The following FAM184B variants were observed in gnomAD, a reference collection of about 807,000 sequenced individuals.
FAM184B encodes protein FAM184B.
FAM184B carries 111 observed loss-of-function variants against 135.9 expected under a neutral mutation model. That is an observed-to-expected ratio of 0.82 (90% CI 0.70 to 0.96). The LOEUF (loss-of-function observed/expected upper bound fraction) is 0.96, where lower values mean the gene tolerates loss of function less well. Among genes scored for constraint, FAM184B ranks in the 40% least tolerant of loss-of-function variants. The pLI is 0.00. For synonymous variants in FAM184B, 552 were observed against 524.8 expected (o/e 1.05, Z -0.71); for missense variants, 1,375 against 1,323.9 (o/e 1.04, Z -0.60).
intron 1 of FAM184B, among the ~76,000 whole-genome samples, chr4:17,729,618 G>A (rs950477059): frequency 5.3e-5 from 8 of 152,234 alleles, no homozygotes; most frequent in African/African-American, 9.6e-5. Context: ...AGCCACCGCT[G>A]TTCTGCAGCC....
At chr4:17,712,207 A>G (rs769284044) in intron 1 of FAM184B, among the ~76,000 whole-genome samples, 2 of 152,208 alleles carry the variant, frequency 1.3e-5, no homozygotes, top group Admixed American at 6.5e-5. Flanking sequence ...AGATGGAAAG[A>G]TGGAGCAGAA....
intron 2 of FAM184B, among the ~76,000 whole-genome samples, 183 bp downstream of exon 2, chr4:17,708,709 A>ATATATATATAGAGTGT: frequency 2.6e-5 from 1 of 38,840 alleles, no homozygotes; most frequent in Non-Finnish European, 4.7e-5. Context: ...ATATATATAT[A>ATATATATATAGAGTGT]GTGTCTGTGT....
At chr4:17,637,855 G>C (rs535627099) in intron 14 of FAM184B, among the ~76,000 whole-genome samples, 1 of 152,228 alleles carries the variant, frequency 6.6e-6, no homozygotes, top group East Asian at 1.9e-4. Flanking sequence ...AAGTGACCCT[G>C]TGAAAAGGCA....
At position 17,781,370 on chromosome 4, in the gene FAM184B, G is replaced by A; in HGVS notation, c.-71C>T. ...CCACCGTGTGCACGTGCGTGCGCGC[G>A]CGGGCGTGCGAGCGTGTGGGTTTCT... On this transcript the variant is annotated 5_prime_UTR_variant, in exon 1 of 18. Coordinates refer to ENST00000265018, the MANE Select transcript of FAM184B (RefSeq NM_015688.2). This position sits in a 1 kb window ranked among gnomAD's most constrained non-coding sequence, Gnocchi z 6.5. 2.1e-6 allele frequency: 3 copies of A among 1,403,946 alleles called. No individual in the cohort carries two copies. The highest frequency in any genetic ancestry group is 2.8e-6 in the Non-Finnish European group (3 of 1,072,920). The allele number at this position is 1,403,946 out of a possible 1,614,324, so 87.0% of individuals were successfully genotyped here.
At chr4:17,720,507 G>A (rs1423002281) in intron 1 of FAM184B, among the ~76,000 whole-genome samples, 1 of 152,170 alleles carries the variant, frequency 6.6e-6, no homozygotes, top group Admixed American at 6.5e-5. Context: ...TGGTGAGGAT[G>A]TGGAAAAATT....
chr4:17,718,457 G>A (rs1192863014), intron 1 of FAM184B, among the ~76,000 whole-genome samples: 1 of 152,164 alleles, frequency 6.6e-6, no homozygotes, highest in African/African-American at 2.4e-5. Context: ...ATTCTGTTGA[G>A]GGGCTTATAG....
At chr4:17,640,978 G>A (rs1715292625) in intron 13 of FAM184B, among the ~76,000 whole-genome samples, 2 of 151,894 alleles carry the variant, frequency 1.3e-5, no homozygotes, top group Admixed American at 6.6e-5. Context: ...CTGCCGCCCA[G>A]GCTGAAGTGC....
At chr4:17,654,052 T>C (rs1240164246) in intron 10 of FAM184B, among the ~76,000 whole-genome samples, 1 of 152,052 alleles carries the variant, frequency 6.6e-6, no homozygotes, top group East Asian at 1.9e-4. Flanking sequence ...CTGGAGTCTT[T>C]AGAAGGAACC....
chr4:17,751,335 C>T (rs1216428180), intron 1 of FAM184B, among the ~76,000 whole-genome samples: 1 of 145,068 alleles, frequency 6.9e-6, no homozygotes, highest in Admixed American at 6.9e-5. Flanking sequence ...AAAAGCAGCA[C>T]ATAGGAAAAA....
chr4:17,772,461 C>A (rs1246449665), intron 1 of FAM184B, among the ~76,000 whole-genome samples: 2 of 152,192 alleles, frequency 1.3e-5, no homozygotes, highest in Non-Finnish European at 2.9e-5. Flanking sequence ...ACCTCTTGAA[C>A]TTCCCATGGA....
At chr4:17,764,318 C>A (rs1273074357) in intron 1 of FAM184B, among the ~76,000 whole-genome samples, 1 of 152,180 alleles carries the variant, frequency 6.6e-6, no homozygotes, top group Non-Finnish European at 1.5e-5. Context: ...CTTCACAAAG[C>A]AGTTTATCGA....
intron 14 of FAM184B, 96 bp downstream of exon 14, chr4:17,639,154 G>A: frequency 2.3e-6 from 3 of 1,302,098 alleles, no homozygotes; most frequent in Non-Finnish European, 3.2e-6. Flanking sequence ...CTTTCAATTT[G>A]AAAACCAGGA....
In FAM184B at chr4:17,659,953, C is replaced by A; in HGVS notation, c.1824+5G>T. ...GGGGGCACATCCCCACCAGGGTTGTCCTACCTGGGCTTGCAATTTGGCCTT... is the reference window on the plus strand; with the variant it reads ...GGGGGCACATCCCCACCAGGGTTGTACTACCTGGGCTTGCAATTTGGCCTT... On this transcript the variant is annotated splice_donor_5th_base_variant and intron_variant, in intron 9 of 17. Transcript: ENST00000265018. 1 of 1,550,454 alleles carries A rather than the reference C, an allele frequency of 6.4e-7. No individual in the cohort carries two copies. The highest frequency in any genetic ancestry group is 8.7e-7 in the Non-Finnish European group (1 of 1,146,930).
At position 17,722,810 on chromosome 4, in the gene FAM184B, T is replaced by G. The variant is rs551339823; in HGVS notation, c.142-13166A>C. Among the ~76,000 whole-genome samples, 3 of 152,356 alleles carry G rather than the reference T, an allele frequency of 2.0e-5. No homozygotes were observed. The South Asian group carries it at 6.2e-4, about 32-fold the overall frequency. ...AGAGTTTTTGGAAAGCACCTTTGGTTGGCCAACCTGGTTAATAAACATGTG... is the reference window on the plus strand; with the variant it reads ...AGAGTTTTTGGAAAGCACCTTTGGTGGGCCAACCTGGTTAATAAACATGTG... On this transcript the variant is annotated intron_variant, in intron 1 of 17. Transcript: ENST00000265018.
At chr4:17,774,780 G>A (rs558515068) in intron 1 of FAM184B, among the ~76,000 whole-genome samples, 29 of 152,204 alleles carry the variant, frequency 1.9e-4, no homozygotes, top group Middle Eastern at 3.4e-3. Flanking sequence ...GGGAATAACC[G>A]ACAGAAAAAG....
intron 1 of FAM184B, among the ~76,000 whole-genome samples, chr4:17,753,534 G>C (rs961435747): frequency 3.3e-5 from 5 of 152,078 alleles, no homozygotes; most frequent in African/African-American, 7.2e-5. Context: ...AAGTAATCTA[G>C]GGAAAACACT....
intron 12 of FAM184B, among the ~76,000 whole-genome samples, chr4:17,643,107 AG>A (rs1002342684): frequency 2.0e-4 from 30 of 152,314 alleles, no homozygotes; most frequent in African/African-American, 6.7e-4. Context: ...GAGCAAGAGC[AG>A]GGGGGTTACT....
chr4:17,721,406 A>AAAAAAAAAAAAAAACC (rs1560185395), intron 1 of FAM184B, among the ~76,000 whole-genome samples: 1 of 143,298 alleles, frequency 7.0e-6, no homozygotes. Flanking sequence ...AAAAAAAAAA[A>AAAAAAAAAAAAAAACC]TCTCTTTGCC....
rs561952508 is a variant in FAM184B at position 17,740,204 on chromosome 4, T to C, written c.142-30560A>G. ...GCGTCTCTACTAAAAATACAAAAAT[T>C]AGCTGGGTGTGGTAGCGGGCGCCTG... On this transcript the variant is annotated intron_variant, in intron 1 of 17. Transcript: ENST00000265018. Among the ~76,000 whole-genome samples the C allele has an allele frequency of 6.6e-5, 10 of 151,996 alleles. No homozygotes were observed. The East Asian group carries it at 2.0e-3, about 30-fold the overall frequency.
Sources: gnomAD v4.1 joint callset for allele counts (sites outside exome capture counted in the v4.1 genomes callset) on GRCh38, gnomAD v4.1.1 for gene constraint, Gnocchi (gnomAD v3.1) non-coding constraint, MANE v1.5 for transcripts, NCBI Gene and HGNC (gene_info 2026-07-23, HGNC 2026-07-21) for gene names.